FANCD2OS: variants seen among roughly 807,000 people sequenced by gnomAD.
FANCD2OS encodes FANCD2 opposite strand, also known as FANCD2 opposite strand protein.
Under a neutral mutation model 13.2 loss-of-function variants are expected in FANCD2OS, and 11 were observed. The ratio of observed to expected loss-of-function variants is 0.83; its 90% confidence interval spans 0.52 to 1.38. The LOEUF is 1.38. FANCD2OS is among the 40% of genes most tolerant of loss of function. The probability of loss-of-function intolerance (pLI) is 0.00; values close to 1 mark genes in which losing one functional copy is unlikely to be tolerated. For synonymous variants in FANCD2OS, 69 were observed against 84.5 expected (o/e 0.82, Z 1.01); for missense variants, 217 against 213.9 (o/e 1.01, Z -0.09).
chr3:10,103,230 C>T, downstream of FANCD2OS: 1 of 296,338 alleles, frequency 3.4e-6, no homozygotes, highest in South Asian at 2.6e-5. Context: ...TGGAGAAACC[C>T]TGTCTGTACT....
At chr3:10,086,235 A>T (rs529901192) in intron 2 of FANCD2OS, among the ~76,000 whole-genome samples, 1 of 152,360 alleles carries the variant, frequency 6.6e-6, no homozygotes, top group South Asian at 2.1e-4. Flanking sequence ...GTCTCCCAGC[A>T]GATTTGGGTA....
chr3:10,101,266 C>T (rs747371509), downstream of FANCD2OS: 1 of 1,601,416 alleles, frequency 6.2e-7, no homozygotes, highest in South Asian at 1.1e-5. Context: ...TGATTAGACC[C>T]CAGATAAATT....
At chr3:10,099,123 C>T, downstream of FANCD2OS, 1 of 1,486,628 alleles carries the variant, frequency 6.7e-7, no homozygotes. Context: ...AGGGAGAAGT[C>T]ATCGAAGTAT....
chr3:10,083,402 A>G (rs1288408163), intron 2 of FANCD2OS: 1 of 152,260 alleles, frequency 6.6e-6, no homozygotes, highest in African/African-American at 2.4e-5. Context: ...GCATAGCTAC[A>G]TCAAAAAGAC....
chr3:10,104,610 G>T lies in FANCD2OS; in HGVS notation c.165C>A (p.Val55=). The T allele has an allele frequency of 6.2e-7, 1 of 1,614,184 alleles. No individual in the cohort carries two copies. Among genetic ancestry groups the T allele is most frequent in the Non-Finnish European group, 8.5e-7 (1 of 1,180,046 alleles). ...DLEVQLCFQE[V]TLVLDSPFLE... ...GGAATGGGCTGTCTAGGACTAGAGT[G>T]ACCTCTTGAAAGCACAGCTGCACTT... is the stretch of plus-strand genomic sequence containing the variant. Residue 55 remains valine, a synonymous_variant, in exon 2 of 2, where the codon GTC becomes GTA. Transcript: ENST00000450660.
At chr3:10,101,096 TAGTACAGTTGTG>T (rs1479871696), downstream of FANCD2OS, 4 of 956,716 alleles carry the variant, frequency 4.2e-6, no homozygotes, top group Non-Finnish European at 6.7e-6. Flanking sequence ...ACAGTGATAA[TAGTACAGTTGTG>T]TATCCTCTAG....
At chr3:10,093,310 A>T (rs1460599556) in intron 2 of FANCD2OS, 1 of 1,613,260 alleles carries the variant, frequency 6.2e-7, no homozygotes, top group African/African-American at 1.3e-5. Context: ...CCTGTTCTGC[A>T]TGTATGTTTG....
chr3:10,103,786 T>C (rs553249094), downstream of FANCD2OS, among the ~76,000 whole-genome samples: 3 of 152,318 alleles, frequency 2.0e-5, no homozygotes, highest in East Asian at 5.8e-4. Context: ...AGGGTTTTTT[T>C]CTTATTTTCA....
intron 1 of FANCD2OS, among the ~76,000 whole-genome samples, chr3:10,107,278 C>A (rs1304522928): frequency 1.4e-5 from 2 of 146,828 alleles, no homozygotes; most frequent in African/African-American, 2.6e-5. Flanking sequence ...TCCCAGGATC[C>A]TTTTCTTTCT....
chr3:10,098,795 T>TC, downstream of FANCD2OS: 1 of 1,614,158 alleles, frequency 6.2e-7, no homozygotes, highest in Non-Finnish European at 8.5e-7. Context: ...ATCCCAGGCC[T>TC]CCAAGAGCAA....
chr3:10,091,498 A>G (rs1292533160), intron 2 of FANCD2OS, among the ~76,000 whole-genome samples: 8 of 151,902 alleles, frequency 5.3e-5, no homozygotes, highest in African/African-American at 1.2e-4. Flanking sequence ...GAAAAAACAT[A>G]TACCGGCTGT....
chr3:10,098,879 T>C (rs1368140519), downstream of FANCD2OS: 1 of 1,614,054 alleles, frequency 6.2e-7, no homozygotes, highest in African/African-American at 1.3e-5. Context: ...TGTTCTAAGT[T>C]GGTGGAGCAG....
intron 2 of FANCD2OS, among the ~76,000 whole-genome samples, chr3:10,085,592 G>A (rs550583879): frequency 4.6e-5 from 7 of 151,840 alleles, no homozygotes; most frequent in Non-Finnish European, 7.4e-5. Flanking sequence ...GGATTTCACC[G>A]TGTTGGCCAA....
intron 2 of FANCD2OS, chr3:10,083,691 G>C (rs532881551): frequency 6.6e-6 from 1 of 151,930 alleles, no homozygotes; most frequent in African/African-American, 2.4e-5. Flanking sequence ...GATCGAGACC[G>C]TCCTGGCTAA....
Position 10,087,804 on chromosome 3 carries a change from G to A in FANCD2OS, c.*44-6273C>T, listed in dbSNP as rs527942969. Among the ~76,000 whole-genome samples, 9 of 152,096 alleles carry A rather than the reference G, an allele frequency of 5.9e-5. No individual in the cohort carries two copies. The East Asian group carries it at 1.2e-3, about 20-fold the overall frequency. ...GCTGGGATTACAGGTGCGCACCACC[G>A]TGCCCAGCCAATTTTTGTATTTTTA... On this transcript the variant is annotated intron_variant, in intron 2 of 2. Coordinates refer to the FANCD2OS transcript ENST00000524279.
intron 2 of FANCD2OS, chr3:10,088,431 T>G: frequency 6.6e-7 from 1 of 1,520,330 alleles, no homozygotes; most frequent in South Asian, 1.1e-5. Context: ...AAGATTCCTT[T>G]GTCTTCTTTT....
At chr3:10,087,271 G>C (rs1272778956) in intron 2 of FANCD2OS, 2 of 1,564,792 alleles carry the variant, frequency 1.3e-6, no homozygotes, top group South Asian at 2.3e-5. Flanking sequence ...ATTGGTGATG[G>C]GCCTAGATCC....
Position 10,088,863 on chromosome 3 carries a change from C to T in FANCD2OS, c.*44-7332G>A, listed in dbSNP as rs778303459. On this transcript the variant is annotated intron_variant, in intron 2 of 2. Coordinates refer to the FANCD2OS transcript ENST00000524279. ...GAGCACACAGAGAGCATTCTGAAGG[C>T]CATAGAGGAGATTGCTGGTGTTGGT... The T allele has an allele frequency of 9.3e-6, 15 of 1,613,980 alleles. No homozygotes were observed. In the South Asian group the frequency reaches 1.6e-4, roughly 18 times the overall value.
Position 10,107,783 on chromosome 3 carries a change from G to A in FANCD2OS, c.-9+232C>T, listed in dbSNP as rs541377758. Among the ~76,000 whole-genome samples the A allele has an allele frequency of 2.2e-3, 342 of 152,062 alleles. 1 individual carries two copies. The highest frequency in any genetic ancestry group is 3.4e-3 in the Non-Finnish European group (232 of 67,986). Reference sequence around the variant, plus strand: ...GGCAGAACCAACATGGGACGAGAGCGCTTCTAAACCTAGGTCCCTGCACCT... The same window carrying A: ...GGCAGAACCAACATGGGACGAGAGCACTTCTAAACCTAGGTCCCTGCACCT... On this transcript the variant is annotated intron_variant, in intron 1 of 1. Transcript: ENST00000450660.
Sources: gnomAD v4.1 joint callset for allele counts (sites outside exome capture counted in the v4.1 genomes callset) on GRCh38, gnomAD v4.1.1 for gene constraint, MANE v1.5 for transcripts, NCBI Gene and HGNC (gene_info 2026-07-23, HGNC 2026-07-21) for gene names.